The following REV3L variants were observed in gnomAD, a reference collection of about 807,000 sequenced individuals.
The protein encoded by REV3L is REV3 like, DNA directed polymerase zeta catalytic subunit, also known as DNA polymerase zeta catalytic subunit.
A neutral mutation model predicts 299.4 loss-of-function variants in REV3L; 69 were observed. That is an observed-to-expected ratio of 0.23 (90% CI 0.19 to 0.28). The LOEUF is 0.28. Among genes scored for constraint, REV3L ranks in the 10% least tolerant of loss-of-function variants. The probability of loss-of-function intolerance (pLI) is 1.00; values close to 1 mark genes in which losing one functional copy is unlikely to be tolerated. For synonymous variants in REV3L, 1,238 were observed against 1,271.4 expected, an observed-to-expected ratio of 0.97 and a Z score of 0.56; for missense variants, 3,128 against 3,693.8, an observed-to-expected ratio of 0.85 and a Z score of 3.97.
intron 13 of REV3L, among the ~76,000 whole-genome samples, chr6:111,369,340 T>C (rs1187757328): frequency 6.6e-6 from 1 of 151,150 alleles, no homozygotes; most frequent in Non-Finnish European, 1.5e-5. Context: ...TTCTTACATA[T>C]TGTCAGCAGC....
intron 27 of REV3L, among the ~76,000 whole-genome samples, chr6:111,313,962 A>C (rs1330361294): frequency 6.6e-6 from 1 of 152,234 alleles, no homozygotes; most frequent in African/African-American, 2.4e-5. Context: ...TATCCAGCCC[A>C]GGAGGACGCA....
chr6:111,383,986 G>T (rs1781084179), intron 9 of REV3L, among the ~76,000 whole-genome samples: 2 of 152,114 alleles, frequency 1.3e-5, no homozygotes, highest in South Asian at 4.1e-4. Flanking sequence ...AAGGTGCCAA[G>T]AACATACCTT....
intron 3 of REV3L, among the ~76,000 whole-genome samples, chr6:111,410,829 C>T (rs897475823): frequency 6.6e-6 from 1 of 152,020 alleles, no homozygotes; most frequent in Non-Finnish European, 1.5e-5. Flanking sequence ...CAGAGAGGAC[C>T]TCCTGAAAAA....
chr6:111,478,322 G>A (rs186961084), intron 1 of REV3L, among the ~76,000 whole-genome samples: 5 of 152,120 alleles, frequency 3.3e-5, no homozygotes, highest in African/African-American at 1.2e-4. Context: ...GTGAGCTTCT[G>A]GAGAGTAAAG....
intron 1 of REV3L, among the ~76,000 whole-genome samples, chr6:111,467,200 A>G (rs1396642637): frequency 6.6e-6 from 1 of 152,258 alleles, no homozygotes; most frequent in African/African-American, 2.4e-5. Flanking sequence ...TAAAATGTCC[A>G]GCCTCGCAGT....
At position 111,475,219 on chromosome 6, in the gene REV3L, T is replaced by C. The variant is rs1053978925; in HGVS notation, c.139+7531A>G. On this transcript the variant is annotated intron_variant, in intron 1 of 31. Transcript: ENST00000368802. The stretch of plus-strand genomic sequence containing the variant: ...CTCATTATTTTTAAAGGCTGACTAG[T>C]ATTCTGTTGAATATATACACCATAA... 2.0e-5 allele frequency among the ~76,000 whole-genome samples: 3 copies of C among 152,312 alleles called. No individual in the cohort carries two copies. In the South Asian group the frequency reaches 6.2e-4, roughly 32 times the overall value.
intron 1 of REV3L, among the ~76,000 whole-genome samples, chr6:111,435,156 T>C (rs931313372): frequency 1.3e-5 from 2 of 152,120 alleles, no homozygotes; most frequent in Non-Finnish European, 2.9e-5. Context: ...CAGTGAACTG[T>C]ATGTAATTGC....
chr6:111,477,195 T>TA (rs746282873), intron 1 of REV3L, among the ~76,000 whole-genome samples: 13 of 152,242 alleles, frequency 8.5e-5, no homozygotes, highest in Non-Finnish European at 1.8e-4. Context: ...GTTGAACACT[T>TA]AGAGTTGTTC....
chr6:111,315,802 C>T (rs536339292), intron 26 of REV3L, among the ~76,000 whole-genome samples: 14 of 152,294 alleles, frequency 9.2e-5, no homozygotes, highest in African/African-American at 2.9e-4. Flanking sequence ...TTGTGAACTG[C>T]GCACAAGTGA....
intron 9 of REV3L, 31 bp downstream of exon 9, chr6:111,387,734 A>G: frequency 1.3e-6 from 2 of 1,590,234 alleles, no homozygotes; most frequent in Non-Finnish European, 1.7e-6. Flanking sequence ...CTGTTCTAGT[A>G]GTTTCTGTAT....
rs747212338 is a variant in REV3L, at chr6:111,416,420, T to C, written c.192A>G (p.Pro64=). ...LHGIFPYLYV[P]YDGYGQQPES... is the part of the protein sequence containing the mutation. ...CTGGCTGCTGTCCATAACCATCGTA[T>C]GGCACATAGAGGTAAGGAAAGATGC... is the stretch of plus-strand genomic sequence containing the variant. The change falls in exon 2 of 32, where the codon CCA becomes CCG. Residue 64 remains proline, a synonymous_variant. Transcript: ENST00000368802. 3.7e-6 allele frequency: 6 copies of C among 1,613,896 alleles called. No individual in the cohort carries two copies. In the South Asian group the frequency reaches 6.6e-5, roughly 18 times the overall value.
intron 1 of REV3L, among the ~76,000 whole-genome samples, chr6:111,475,534 C>A (rs1271017409): frequency 1.3e-5 from 2 of 152,134 alleles, no homozygotes; most frequent in African/African-American, 4.8e-5. Context: ...CTATACATAA[C>A]CTTTGCTCAT....
At chr6:111,331,107 A>C in intron 24 of REV3L, 1 of 687,000 alleles carries the variant, frequency 1.5e-6, no homozygotes, top group Non-Finnish European at 1.8e-6. Flanking sequence ...GAGGCAATAT[A>C]ATCTTCTTTT....
At chr6:111,395,726 GT>G (rs1782428003) in intron 4 of REV3L, among the ~76,000 whole-genome samples, 1 of 152,068 alleles carries the variant, frequency 6.6e-6, no homozygotes, top group Admixed American at 6.6e-5. Context: ...TCAGTACTAT[GT>G]TGAACAGGAG....
intron 9 of REV3L, among the ~76,000 whole-genome samples, chr6:111,383,951 G>A (rs1781079777): frequency 6.6e-6 from 1 of 152,002 alleles, no homozygotes; most frequent in African/African-American, 2.4e-5. Flanking sequence ...ATAAATTCAT[G>A]ACTGCAGTGA....
At chr6:111,430,678 C>G in intron 1 of REV3L, 3 of 1,521,892 alleles carry the variant, frequency 2.0e-6, no homozygotes, top group Non-Finnish European at 2.7e-6. Context: ...CCAAAGCACA[C>G]GCCTTCAAGA....
chr6:111,412,592 T>G (rs149127913), intron 2 of REV3L, among the ~76,000 whole-genome samples: 4,568 of 152,134 alleles, frequency 0.03, 79 homozygotes, highest in South Asian at 0.078. Flanking sequence ...ATTGTTCCCT[T>G]ATGACAGGCA....
chr6:111,380,015 T>C lies in REV3L; in HGVS notation c.1421A>G (p.Asp474Gly), dbSNP rs772787579. 1.9e-6 allele frequency: 3 copies of C among 1,613,820 alleles called. No individual in the cohort carries two copies. Among genetic ancestry groups the C allele is most frequent in the South Asian group, 1.1e-5 (1 of 91,056 alleles). Residue 474 changes from aspartate to glycine, a missense_variant, in exon 11 of 32, where the codon GAC becomes GGC. Asp to Gly is a moderately conservative substitution (Grantham distance 94, BLOSUM62 -1). Around this residue, in one of 9 missense-constraint regions of REV3L, gnomAD observed 2,409 missense variants for 2,611.8 expected, o/e 0.92. Transcript: ENST00000368802. ...GGCACAATGTTCTTCAATATTGCTG[T>C]CCCATCTCTGGGACATCACCAAACT... is the stretch of plus-strand genomic sequence containing the variant. ...ELSLVMSQRW[D>G]SNIEEHCAKK...
intron 1 of REV3L, among the ~76,000 whole-genome samples, chr6:111,475,613 C>T (rs889840746): frequency 6.6e-6 from 1 of 152,078 alleles, no homozygotes; most frequent in African/African-American, 2.4e-5. Context: ...TAAAGTTGTA[C>T]ATTTTTTCAT....
Sources: gnomAD v4.1 joint callset for allele counts (sites outside exome capture counted in the v4.1 genomes callset) on GRCh38, gnomAD v4.1.1 for gene constraint, gnomAD v4.1.1 regional missense constraint, MANE v1.5 for transcripts, NCBI Gene and HGNC (gene_info 2026-07-23, HGNC 2026-07-21) for gene names.